Variants in GPC6 observed in about 807,000 individuals in gnomAD.
GPC6 encodes the protein glypican 6, also known as glypican-6.
In GPC6, 14 loss-of-function variants were observed where a neutral mutation model predicts 55.2. That is an observed-to-expected ratio of 0.25 (90% CI 0.17 to 0.40). The LOEUF is 0.40. Among genes scored for constraint, GPC6 ranks in the 10% least tolerant of loss-of-function variants. The pLI is 1.00. For synonymous variants in GPC6, 278 were observed against 259.6 expected, an observed-to-expected ratio of 1.07 and a Z score of -0.68; for missense variants, 641 against 708.5, an observed-to-expected ratio of 0.90 and a Z score of 1.08.
intron 3 of GPC6, among the ~76,000 whole-genome samples, chr13:93,946,032 C>T (rs1187463055): frequency 5.9e-5 from 9 of 152,086 alleles, no homozygotes; most frequent in Admixed American, 5.9e-4. Context: ...ACAAAATTTC[C>T]ATCATTTTCT....
chr13:94,166,128 C>T (rs1469939215), intron 4 of GPC6, among the ~76,000 whole-genome samples: 2 of 152,278 alleles, frequency 1.3e-5, no homozygotes, highest in East Asian at 1.9e-4. Flanking sequence ...GGATCCCTAC[C>T]TGACTCCTAG....
At chr13:93,732,212 G>A (rs969126817) in intron 2 of GPC6, among the ~76,000 whole-genome samples, 3 of 152,080 alleles carry the variant, frequency 2.0e-5, no homozygotes, top group African/African-American at 7.2e-5. Context: ...CTGGGTAGGA[G>A]GCCGGCTCCT....
chr13:94,064,352 G>A (rs1884442644), intron 4 of GPC6, among the ~76,000 whole-genome samples: 1 of 151,890 alleles, frequency 6.6e-6, no homozygotes, highest in African/African-American at 2.4e-5. Context: ...ATCACCATTT[G>A]TCCATCCCAT....
chr13:93,581,023 G>T (rs73541544), intron 2 of GPC6, among the ~76,000 whole-genome samples: 1 of 151,962 alleles, frequency 6.6e-6, no homozygotes, highest in African/African-American at 2.4e-5. Flanking sequence ...GAAAATAGGC[G>T]ATTTTGAGCC....
intron 2 of GPC6, among the ~76,000 whole-genome samples, chr13:93,755,687 G>T (rs1448251885): frequency 1.3e-5 from 2 of 152,158 alleles, no homozygotes; most frequent in Non-Finnish European, 2.9e-5. Context: ...ACCTGTGAAG[G>T]TTCATTTGCT....
intron 1 of GPC6, among the ~76,000 whole-genome samples, chr13:93,296,094 A>T (rs905764234): frequency 6.6e-6 from 1 of 152,116 alleles, no homozygotes. Flanking sequence ...GGATTTCAAC[A>T]TATGAGTTTT....
intron 2 of GPC6, among the ~76,000 whole-genome samples, chr13:93,735,254 G>T (rs1447446126): frequency 3.9e-5 from 6 of 152,206 alleles, no homozygotes; most frequent in African/African-American, 1.4e-4. Flanking sequence ...AGATGTCGAG[G>T]TTGGGTGTGG....
upstream of GPC6, among the ~76,000 whole-genome samples, chr13:93,223,670 C>T (rs1399542016): frequency 6.6e-6 from 1 of 152,088 alleles, no homozygotes; most frequent in Non-Finnish European, 1.5e-5. Flanking sequence ...TCTCTAACTC[C>T]GAAGCTCAGG....
intron 2 of GPC6, among the ~76,000 whole-genome samples, chr13:93,746,606 T>G (rs1215931931): frequency 6.6e-6 from 1 of 152,180 alleles, no homozygotes; most frequent in East Asian, 1.9e-4. Context: ...ACTGTTTTAA[T>G]CCACAAGCAA....
At chr13:93,532,756 CAGA>C (rs955403774) in intron 1 of GPC6, among the ~76,000 whole-genome samples, 4 of 152,236 alleles carry the variant, frequency 2.6e-5, no homozygotes, top group African/African-American at 7.2e-5. Context: ...GAAACACTGG[CAGA>C]AGAACTAAGA....
At chr13:94,318,658 T>C (rs1391695557) in intron 6 of GPC6, among the ~76,000 whole-genome samples, 1 of 152,150 alleles carries the variant, frequency 6.6e-6, no homozygotes, top group Non-Finnish European at 1.5e-5. Context: ...TTTAATATTT[T>C]TGAACTGCAT....
chr13:94,036,748 A>T (rs7334506), intron 4 of GPC6, among the ~76,000 whole-genome samples: 1,676 of 151,820 alleles, frequency 0.011, 31 homozygotes, highest in African/African-American at 0.038. Flanking sequence ...TCAGCGCTAC[A>T]TTTATCTTTC....
chr13:93,451,194 G>T (rs1401138597), intron 1 of GPC6, among the ~76,000 whole-genome samples: 3 of 152,306 alleles, frequency 2.0e-5, no homozygotes, highest in African/African-American at 4.8e-5. Flanking sequence ...AAGGAAATGA[G>T]TTTGTCTTTA....
intron 4 of GPC6, among the ~76,000 whole-genome samples, chr13:94,241,256 A>T (rs1290071637): frequency 6.6e-6 from 1 of 152,164 alleles, no homozygotes; most frequent in African/African-American, 2.4e-5. Flanking sequence ...TAGAACCACA[A>T]TAAACAAACA....
At chr13:93,450,956 A>C (rs1878203199) in intron 1 of GPC6, among the ~76,000 whole-genome samples, 1 of 152,326 alleles carries the variant, frequency 6.6e-6, no homozygotes, top group Non-Finnish European at 1.5e-5. Flanking sequence ...TAGACCAGTG[A>C]AAAGGTTGTT....
intron 3 of GPC6, among the ~76,000 whole-genome samples, chr13:93,924,752 A>T (rs1663537719): frequency 7.1e-6 from 1 of 141,468 alleles, no homozygotes; most frequent in South Asian, 2.2e-4. Flanking sequence ...GGATACCTAT[A>T]CTTTTCCTTC....
In GPC6 at chr13:93,810,868, A is replaced by G. The variant is rs76089909; in HGVS notation, c.320-19286A>G. On this transcript the variant is annotated intron_variant, in intron 2 of 8. Coordinates refer to ENST00000377047, the MANE Select transcript of GPC6 (RefSeq NM_005708.5). Reference sequence around the variant, plus strand: ...CATATGTATATTTTCTTTCTTACTTACATAGTTTTGATAAGAAACTGATAA... The same window carrying G: ...CATATGTATATTTTCTTTCTTACTTGCATAGTTTTGATAAGAAACTGATAA... 5.7e-3 allele frequency among the ~76,000 whole-genome samples: 861 copies of G among 152,308 alleles called. 14 individuals carry two copies. Among genetic ancestry groups the G allele is most frequent in the African/African-American group, 0.02 (828 of 41,582 alleles).
Position 94,403,336 on chromosome 13 carries a change from G to C in GPC6, c.*119G>C, listed in dbSNP as rs1258600414. ...AAAAACTTACCGTTTTCTATGAGAA[G>C]AGAGCAGTAATGCAATCTGCCTCCC... On this transcript the variant is annotated 3_prime_UTR_variant, in exon 9 of 9. Coordinates refer to ENST00000377047, the MANE Select transcript of GPC6 (RefSeq NM_005708.5). 2.6e-6 allele frequency: 2 copies of C among 776,486 alleles called. No homozygotes were observed. 48.1% of individuals were successfully genotyped at this position (776,486 alleles called of 1,614,324 possible).
intron 2 of GPC6, among the ~76,000 whole-genome samples, chr13:93,612,215 T>C (rs1480479282): frequency 6.6e-6 from 1 of 152,182 alleles, no homozygotes; most frequent in Non-Finnish European, 1.5e-5. Flanking sequence ...ATACTTCATG[T>C]TAGGCTGGGC....
Sources: gnomAD v4.1 joint callset for allele counts (sites outside exome capture counted in the v4.1 genomes callset) on GRCh38, gnomAD v4.1.1 for gene constraint, MANE v1.5 for transcripts, NCBI Gene and HGNC (gene_info 2026-07-23, HGNC 2026-07-21) for gene names.